ABCA13: variants seen among roughly 807,000 people sequenced by gnomAD.
The protein encoded by ABCA13 is ATP-binding cassette sub-family A member 13.
A neutral mutation model predicts 478.7 loss-of-function variants in ABCA13; 476 were observed. The ratio of observed to expected loss-of-function variants is 0.99; its 90% CI spans 0.92 to 1.07. The LOEUF (loss-of-function observed/expected upper bound fraction) is 1.07. Ranked by LOEUF, ABCA13 falls within the 50% of genes least tolerant of loss-of-function variation. The probability of loss-of-function intolerance (pLI) is 0.00; values close to 1 mark genes in which losing one functional copy is unlikely to be tolerated. For synonymous variants in ABCA13, 2,252 were observed against 2,158.9 expected, an observed-to-expected ratio of 1.04 and a Z score of -1.20; for missense variants, 6,060 against 5,910.6, an observed-to-expected ratio of 1.03 and a Z score of -0.83.
intron 42 of ABCA13, among the ~76,000 whole-genome samples, chr7:48,450,569 T>G (rs1824868832): frequency 6.6e-6 from 1 of 152,242 alleles, no homozygotes; most frequent in African/African-American, 2.4e-5. Flanking sequence ...ATATTATTTT[T>G]TATAGTTTAA....
At chr7:48,207,665 G>C (rs549631606) in intron 3 of ABCA13, among the ~76,000 whole-genome samples, 3 of 152,074 alleles carry the variant, frequency 2.0e-5, no homozygotes, top group Non-Finnish European at 4.4e-5. Context: ...TTTGTATTGA[G>C]TTGTTTGAGC....
intron 1 of ABCA13, among the ~76,000 whole-genome samples, chr7:48,184,836 T>A (rs1039171640): frequency 1.3e-5 from 2 of 151,960 alleles, no homozygotes; most frequent in Admixed American, 1.3e-4. Flanking sequence ...AAAAAGACAG[T>A]TTCTTTCACT....
chr7:48,550,832 G>A lies in ABCA13; in HGVS notation c.14354+22487G>A, dbSNP rs182552433. Among the ~76,000 whole-genome samples the A allele has an allele frequency of 1.2e-4, 18 of 151,428 alleles. No homozygotes were observed. The East Asian group carries it at 2.5e-3, about 21-fold the overall frequency. On this transcript the variant is annotated intron_variant, in intron 55 of 61. Transcript: ENST00000435803. Reference sequence around the variant, plus strand: ...TATGTCACCTCCCCACACTATCAGTGTGCACCAACTGTCATCCCAGGCAGA... The same window carrying A: ...TATGTCACCTCCCCACACTATCAGTATGCACCAACTGTCATCCCAGGCAGA...
At chr7:48,511,907 A>G (rs1431015290) in intron 51 of ABCA13, among the ~76,000 whole-genome samples, 1 of 152,196 alleles carries the variant, frequency 6.6e-6, no homozygotes, top group African/African-American at 2.4e-5. Context: ...TAAGAGGATT[A>G]CAAATGAAGT....
chr7:48,646,713 G>T lies in ABCA13; in HGVS notation c.*1201G>T, dbSNP rs1795459887. 1.3e-5 allele frequency: 2 copies of T among 152,104 alleles called. No homozygotes were observed. Among genetic ancestry groups the T allele is most frequent in the South Asian group, 4.2e-4 (2 of 4,816 alleles). 9.4% of individuals were successfully genotyped at this position (152,104 alleles called of 1,614,324 possible). On this transcript the variant is annotated 3_prime_UTR_variant, in exon 62 of 62. Coordinates refer to ENST00000435803, the MANE Select transcript of ABCA13 (RefSeq NM_152701.5). The stretch of plus-strand genomic sequence containing the variant: ...TTTTAGTATTTTTAGTAGAGACGGG[G>T]TTTCACCGTGTTAGCCAGGATGGTC...
intron 43 of ABCA13, among the ~76,000 whole-genome samples, chr7:48,457,744 C>T (rs1825828251): frequency 6.6e-6 from 1 of 152,198 alleles, no homozygotes; most frequent in African/African-American, 2.4e-5. Context: ...GCTATCGTAC[C>T]TGTTCCATCA....
intron 1 of ABCA13, among the ~76,000 whole-genome samples, chr7:48,174,687 A>C (rs539748222): frequency 3.9e-4 from 59 of 152,296 alleles, no homozygotes; most frequent in Admixed American, 7.2e-4. Flanking sequence ...AAGTCATCTA[A>C]AATTTTATTA....
In ABCA13 at chr7:48,543,300, A is replaced by G. The variant is rs531508021; in HGVS notation, c.14354+14955A>G. Among the ~76,000 whole-genome samples the G allele has an allele frequency of 1.9e-4, 29 of 151,992 alleles. 2 individuals carry two copies. Among genetic ancestry groups the G allele is most frequent in the Non-Finnish European group, 3.1e-4 (21 of 67,864 alleles). On this transcript the variant is annotated intron_variant, in intron 55 of 61. Transcript: ENST00000435803. Reference sequence around the variant, plus strand: ...ATAGGTATAATATGTAAATTACTGTATAGTGATAAGGAAAAGACTACAATT... The same window carrying G: ...ATAGGTATAATATGTAAATTACTGTGTAGTGATAAGGAAAAGACTACAATT...
chr7:48,230,721 A>G (rs897687314), intron 7 of ABCA13, among the ~76,000 whole-genome samples: 3 of 151,798 alleles, frequency 2.0e-5, no homozygotes, highest in Non-Finnish European at 4.4e-5. Context: ...CCATCTATCC[A>G]TCTATTCATC....
At chr7:48,414,558 ATATACATATG>A (rs1367862141) in intron 41 of ABCA13, among the ~76,000 whole-genome samples, 1 of 150,002 alleles carries the variant, frequency 6.7e-6, no homozygotes, top group Admixed American at 6.7e-5. Context: ...ATTACACATA[ATATACATATG>A]TATACATATG....
At chr7:48,221,181 C>G in intron 4 of ABCA13, 100 bp from the exon 5 acceptor site, 1 of 615,664 alleles carries the variant, frequency 1.6e-6, no homozygotes, top group Non-Finnish European at 2.9e-6. Flanking sequence ...GGCCAGGGCT[C>G]TTGGATACTC....
At chr7:48,221,976 A>G (rs1199067791) in intron 5 of ABCA13, among the ~76,000 whole-genome samples, 4 of 152,224 alleles carry the variant, frequency 2.6e-5, no homozygotes, top group Admixed American at 1.3e-4. Flanking sequence ...ACTGTACAGG[A>G]CTTTGTAGTA....
chr7:48,641,101 T>G (rs1306015156), intron 59 of ABCA13, among the ~76,000 whole-genome samples: 1 of 152,202 alleles, frequency 6.6e-6, no homozygotes, highest in Non-Finnish European at 1.5e-5. Context: ...CATATGTGCT[T>G]ATAGAGAATT....
In ABCA13 at chr7:48,372,025, T is replaced by A. The variant is rs995568591; in HGVS notation, c.10804-143T>A. ...TACCAAGCTTGAGGAGGCAATGTCC[T>A]TCCCAGGGCCCTTCACAGGGCTGAA... On this transcript the variant is annotated intron_variant, in intron 32 of 61. Coordinates refer to ENST00000435803, the MANE Select transcript of ABCA13 (RefSeq NM_152701.5). The A allele has an allele frequency of 4.2e-6, 3 of 722,098 alleles. No individual in the cohort carries two copies. The African/African-American group carries it at 5.4e-5, about 13-fold the overall frequency. The allele number at this position is 722,098 out of a possible 1,614,324, so 44.7% of individuals were successfully genotyped here. A position where few individuals can be genotyped will look rare whatever the true frequency, so the allele number is the denominator to read the frequency against.
Position 48,252,253 on chromosome 7 carries a change from T to G in ABCA13, c.2005+2902T>G, listed in dbSNP as rs373182946. ...GTTTCACATGGCCCATCTTTAAGTT[T>G]GTGGGTTCTTTCTTTTGCCTGAATT... On this transcript the variant is annotated intron_variant, in intron 15 of 61. Transcript: ENST00000435803. Among the ~76,000 whole-genome samples the G allele has an allele frequency of 3.9e-5, 6 of 152,274 alleles. No individual in the cohort carries two copies. In the South Asian group the frequency reaches 6.2e-4, roughly 16 times the overall value.
chr7:48,578,352 A>G lies in ABCA13; in HGVS notation c.14355-1872A>G, dbSNP rs182090701. On this transcript the variant is annotated intron_variant, in intron 55 of 61. Transcript: ENST00000435803. ...GAATTGTCAAAAAAATACTCCTAGA[A>G]CTAATAGCCATTTATATCAAGGTTT... is the stretch of plus-strand genomic sequence containing the variant. Among the ~76,000 whole-genome samples the G allele has an allele frequency of 2.6e-3, 400 of 152,290 alleles. 2 individuals carry two copies. Among genetic ancestry groups the G allele is most frequent in the African/African-American group, 6.8e-3 (284 of 41,590 alleles).
chr7:48,618,276 C>A (rs986896963), intron 59 of ABCA13, among the ~76,000 whole-genome samples: 1 of 152,176 alleles, frequency 6.6e-6, no homozygotes, highest in African/African-American at 2.4e-5. Context: ...GAGTTGCTTT[C>A]TTGGGTCTTA....
chr7:48,323,540 A>G (rs1803836760), intron 27 of ABCA13, among the ~76,000 whole-genome samples: 1 of 152,240 alleles, frequency 6.6e-6, no homozygotes. Context: ...AATTTCATTT[A>G]CTGAGCTTGG....
chr7:48,534,028 G>C (rs1833408991), intron 55 of ABCA13, among the ~76,000 whole-genome samples: 1 of 151,640 alleles, frequency 6.6e-6, no homozygotes, highest in Non-Finnish European at 1.5e-5. Context: ...TGAATGTCTT[G>C]TTTGTTTGTC....
Sources: allele counts gnomAD v4.1 joint callset (sites outside exome capture counted in the v4.1 genomes callset), GRCh38; gene constraint gnomAD v4.1.1; transcripts MANE v1.5; gene names NCBI Gene and HGNC (gene_info 2026-07-23, HGNC 2026-07-21).